LRFN2: variants seen among roughly 807,000 people sequenced by gnomAD.
The protein encoded by LRFN2 is leucine rich repeat and fibronectin type III domain containing 2.
LRFN2 carries 18 observed loss-of-function variants against 37.3 expected under a neutral mutation model. The ratio of observed to expected loss-of-function variants is 0.48; its 90% CI spans 0.33 to 0.72. The LOEUF (loss-of-function observed/expected upper bound fraction) is 0.72, where lower values mean the gene tolerates loss of function less well. Ranked by LOEUF, LRFN2 falls within the 30% of genes least tolerant of loss-of-function variation. The pLI is 0.02. For synonymous variants in LRFN2, 556 were observed against 466.6 expected (o/e 1.19, Z -2.47); for missense variants, 1,006 against 1,060.7 (o/e 0.95, Z 0.72).
intron 1 of LRFN2, among the ~76,000 whole-genome samples, chr6:40,518,208 A>G (rs1327146452): frequency 4.6e-5 from 7 of 152,158 alleles, no homozygotes; most frequent in Admixed American, 4.6e-4. Flanking sequence ...TATGCTATGA[A>G]CTTGGCCCTG....
intron 1 of LRFN2, among the ~76,000 whole-genome samples, chr6:40,534,961 T>C (rs1766422452): frequency 2.6e-5 from 4 of 152,288 alleles, no homozygotes; most frequent in Admixed American, 2.6e-4. Context: ...CTGGAACCAC[T>C]TGCCCCCAGG....
chr6:40,507,933 T>A (rs1765589995), intron 1 of LRFN2, among the ~76,000 whole-genome samples: 1 of 152,174 alleles, frequency 6.6e-6, no homozygotes, highest in South Asian at 2.1e-4. Flanking sequence ...TATGACATTG[T>A]ATGCATGTCA....
At chr6:40,435,125 T>C (rs1368004336) in intron 1 of LRFN2, among the ~76,000 whole-genome samples, 1 of 136,536 alleles carries the variant, frequency 7.3e-6, no homozygotes, top group African/African-American at 2.8e-5. Flanking sequence ...ATTTTATATA[T>C]ATATTATGTA....
chr6:40,464,509 C>T (rs1764414984), intron 1 of LRFN2, among the ~76,000 whole-genome samples: 1 of 152,226 alleles, frequency 6.6e-6, no homozygotes, highest in Non-Finnish European at 1.5e-5. Flanking sequence ...ATGCAAGCCC[C>T]TTGACCTTGG....
At chr6:40,426,739 C>A (rs1289753593) in intron 2 of LRFN2, among the ~76,000 whole-genome samples, 1 of 152,200 alleles carries the variant, frequency 6.6e-6, no homozygotes, top group East Asian at 1.9e-4. Flanking sequence ...GTCCTCTAAT[C>A]TCCAAGGTAA....
intron 1 of LRFN2, among the ~76,000 whole-genome samples, chr6:40,551,445 C>T (rs1328397269): frequency 6.6e-6 from 1 of 152,162 alleles, no homozygotes; most frequent in African/African-American, 2.4e-5. Flanking sequence ...CTCCTGAAGC[C>T]CACATCACCA....
chr6:40,496,974 A>C (rs1438458244), intron 1 of LRFN2, among the ~76,000 whole-genome samples: 1 of 152,130 alleles, frequency 6.6e-6, no homozygotes, highest in Non-Finnish European at 1.5e-5. Context: ...AAGGGTTCTC[A>C]TACCCAACAC....
intron 2 of LRFN2, among the ~76,000 whole-genome samples, chr6:40,397,453 C>T (rs1249780343): frequency 6.6e-6 from 1 of 152,210 alleles, no homozygotes; most frequent in Non-Finnish European, 1.5e-5. Context: ...AGTGCTCCAC[C>T]TAAAACACAA....
chr6:40,435,050 TATAG>T (rs1354764304), intron 1 of LRFN2, among the ~76,000 whole-genome samples: 314 of 59,984 alleles, frequency 5.2e-3, no homozygotes, highest in South Asian at 6.5e-3. Context: ...TATATATATA[TATAG>T]AGAGAGAGAG....
rs546075188 is a variant in LRFN2, at chr6:40,392,483, G to A, written c.1830C>T (p.Asp610=). ...PKVVVRNELL[D]FTASLARASD... ...TGGCGCGGGCCAGGCTGGCGGTGAAGTCCAGGAGCTCGTTGCGCACCACCA... is the reference window on the plus strand; with the variant it reads ...TGGCGCGGGCCAGGCTGGCGGTGAAATCCAGGAGCTCGTTGCGCACCACCA... Residue 610 remains aspartate (D), a synonymous_variant, in exon 3 of 3, where the codon GAC becomes GAT. Coordinates refer to ENST00000338305, the MANE Select transcript of LRFN2 (RefSeq NM_020737.3). This position sits in a 1 kb window ranked among gnomAD's most constrained non-coding sequence, Gnocchi z 4.7. 3.8e-6 allele frequency: 6 copies of A among 1,574,348 alleles called. No homozygotes were observed. In the South Asian group the frequency reaches 6.8e-5, roughly 18 times the overall value.
At chr6:40,399,965 A>C (rs1762704580) in intron 2 of LRFN2, among the ~76,000 whole-genome samples, 1 of 151,780 alleles carries the variant, frequency 6.6e-6, no homozygotes, top group South Asian at 2.1e-4. Context: ...GGAATCACTC[A>C]TCACTCCCCC....
intron 1 of LRFN2, among the ~76,000 whole-genome samples, chr6:40,470,773 T>A (rs1764576773): frequency 1.3e-5 from 2 of 152,320 alleles, no homozygotes; most frequent in East Asian, 1.9e-4. Flanking sequence ...TGCCTGCTGC[T>A]GTCCTCACTA....
intron 1 of LRFN2, among the ~76,000 whole-genome samples, chr6:40,551,275 G>A (rs1355488212): frequency 6.6e-6 from 1 of 152,230 alleles, no homozygotes; most frequent in African/African-American, 2.4e-5. Context: ...ATGAGCAACT[G>A]AGGTAGGGTC....
rs117312985 is a variant in LRFN2 at position 40,552,828 on chromosome 6, C to A, written c.-19+34113G>T. On this transcript the variant is annotated intron_variant, in intron 1 of 2. Coordinates refer to ENST00000338305, the MANE Select transcript of LRFN2 (RefSeq NM_020737.3). ...CTGCCAATCTTTGTCCATAAGCATC[C>A]TTTAAAAAAATCAGTTCCCATCATG... Among the ~76,000 whole-genome samples the A allele has an allele frequency of 1.1e-3, 169 of 152,214 alleles. 2 individuals are homozygous for A. In the East Asian group the frequency reaches 0.028, roughly 26 times the overall value.
chr6:40,540,538 C>T (rs1766534210), intron 1 of LRFN2, among the ~76,000 whole-genome samples: 2 of 152,142 alleles, frequency 1.3e-5, no homozygotes, highest in African/African-American at 4.8e-5. Flanking sequence ...AGGGAGCTTT[C>T]AGAGGGTGCA....
At chr6:40,426,174 A>G (rs1354296030) in intron 2 of LRFN2, among the ~76,000 whole-genome samples, 1 of 152,232 alleles carries the variant, frequency 6.6e-6, no homozygotes, top group Non-Finnish European at 1.5e-5. Context: ...CAACAGTGGA[A>G]GCCATATTAT....
chr6:40,406,379 A>T lies in LRFN2; in HGVS notation c.1401-13467T>A, dbSNP rs150540880. Among the ~76,000 whole-genome samples the T allele has an allele frequency of 2.9e-3, 434 of 152,274 alleles. 3 individuals carry two copies. The highest frequency in any genetic ancestry group is 0.019 in the East Asian group (99 of 5,182). On this transcript the variant is annotated intron_variant, in intron 2 of 2. Transcript: ENST00000338305. ...GCCAGCTCTGCAGGCCAGCCGTCTG[A>T]GGTCTGGCAGTCTGTTTTGGTGCAG...
intron 1 of LRFN2, among the ~76,000 whole-genome samples, chr6:40,492,297 C>T (rs1765112148): frequency 6.6e-6 from 1 of 152,128 alleles, no homozygotes; most frequent in South Asian, 2.1e-4. Context: ...CAGTCCCTTC[C>T]TCTTGCCTGT....
intron 1 of LRFN2, among the ~76,000 whole-genome samples, chr6:40,477,112 C>T (rs1480938095): frequency 2.6e-5 from 4 of 152,216 alleles, no homozygotes; most frequent in Admixed American, 2.0e-4. Context: ...CAGTGCCTGG[C>T]TTCCAGCAGA....
Sources: gnomAD v4.1 joint callset for allele counts (sites outside exome capture counted in the v4.1 genomes callset) on GRCh38, gnomAD v4.1.1 for gene constraint, Gnocchi (gnomAD v3.1) non-coding constraint, MANE v1.5 for transcripts, NCBI Gene and HGNC (gene_info 2026-07-23, HGNC 2026-07-21) for gene names.